SPRED2: variants seen among roughly 807,000 people sequenced by gnomAD.
The protein encoded by SPRED2 is sprouty related EVH1 domain containing 2.
In SPRED2, 47 loss-of-function variants were observed where a neutral mutation model predicts 43.0. The ratio of observed to expected loss-of-function variants is 1.09; its 90% CI spans 0.87 to 1.40. The LOEUF (loss-of-function observed/expected upper bound fraction) is 1.40, where lower values mean the gene tolerates loss of function less well. Among genes scored for constraint, SPRED2 ranks in the 40% most tolerant of loss-of-function variants. The pLI is 0.00. For missense variants in SPRED2, 561 were observed against 586.4 expected, an observed-to-expected ratio of 0.96 and a Z score of 0.45; for synonymous variants, 225 against 225.7, an observed-to-expected ratio of 1.00 and a Z score of 0.03.
downstream of SPRED2, among the ~76,000 whole-genome samples, chr2:65,309,685 T>C (rs1673019919): frequency 6.6e-6 from 1 of 152,010 alleles, no homozygotes; most frequent in Non-Finnish European, 1.5e-5. Context: ...CTTCCTCACT[T>C]GTAAGGTGGA....
intron 1 of SPRED2, among the ~76,000 whole-genome samples, chr2:65,368,373 G>T (rs1325841739): frequency 6.6e-6 from 1 of 152,146 alleles, no homozygotes; most frequent in Non-Finnish European, 1.5e-5. Context: ...GAGGACTGCA[G>T]GCTGCAGCCT....
rs769629519 is a variant in SPRED2 at position 65,316,837 on chromosome 2, G to T, written c.485C>A (p.Pro162His). Reference sequence around the variant, plus strand: ...TGTGGGAGAGGAGATTGTCCGAGTAGGTTGCTCTCTCTTCTGAGAGGAATT... The same window carrying T: ...TGTGGGAGAGGAGATTGTCCGAGTATGTTGCTCTCTCTTCTGAGAGGAATT... Reference protein sequence around the residue: ...SSNSSQKREQPTRTISSPTSC... With the variant: ...SSNSSQKREQHTRTISSPTSC... The change falls in exon 5 of 6, where the codon CCT becomes CAT. Residue 162 changes from proline to histidine, a missense_variant. Physicochemically the swap from Pro to His is moderately conservative, Grantham distance 77. Coordinates refer to ENST00000356388, the MANE Select transcript of SPRED2 (RefSeq NM_181784.3). The T allele has an allele frequency of 6.8e-6, 11 of 1,613,938 alleles. No individual in the cohort carries two copies. The African/African-American group carries it at 8.0e-5, about 12-fold the overall frequency.
intron 1 of SPRED2, among the ~76,000 whole-genome samples, chr2:65,362,237 A>C (rs1674833260): frequency 6.6e-6 from 1 of 152,032 alleles, no homozygotes; most frequent in African/African-American, 2.4e-5. Context: ...CTTCTGCAGC[A>C]CTTGCTTTCT....
At chr2:65,323,383 C>A (rs961110370) in intron 4 of SPRED2, among the ~76,000 whole-genome samples, 3 of 152,024 alleles carry the variant, frequency 2.0e-5, no homozygotes, top group Non-Finnish European at 4.4e-5. Context: ...TTTCTAAAGC[C>A]CTCTAACAGG....
intron 3 of SPRED2, among the ~76,000 whole-genome samples, chr2:65,333,349 A>C (rs1170466490): frequency 6.6e-6 from 1 of 152,194 alleles, no homozygotes; most frequent in Non-Finnish European, 1.5e-5. Flanking sequence ...GAAATACTTA[A>C]ATTTCCAACG....
chr2:65,403,234 C>G (rs979584014), intron 1 of SPRED2, among the ~76,000 whole-genome samples: 1 of 152,184 alleles, frequency 6.6e-6, no homozygotes, highest in Non-Finnish European at 1.5e-5. Flanking sequence ...GAAGGGGTTA[C>G]GGATAGTAGA....
At chr2:65,393,326 CTTTT>C (rs55696467) in intron 1 of SPRED2, among the ~76,000 whole-genome samples, 1 of 141,692 alleles carries the variant, frequency 7.1e-6, no homozygotes, top group Admixed American at 7.0e-5. Context: ...AATCATAAGG[CTTTT>C]TTTTTTTTTT....
At chr2:65,413,259 A>G (rs903343479) in intron 1 of SPRED2, among the ~76,000 whole-genome samples, 6 of 152,198 alleles carry the variant, frequency 3.9e-5, no homozygotes, top group African/African-American at 1.4e-4. Context: ...CATTAAGGAC[A>G]GCATGCATTT....
downstream of SPRED2, among the ~76,000 whole-genome samples, chr2:65,309,483 G>A (rs1673013673): frequency 7.0e-6 from 1 of 143,012 alleles, no homozygotes; most frequent in Non-Finnish European, 1.5e-5. Flanking sequence ...TCTAGCAAGG[G>A]TGACAGAGTG....
chr2:65,358,005 C>T (rs1346920942), intron 1 of SPRED2, among the ~76,000 whole-genome samples: 1 of 147,280 alleles, frequency 6.8e-6, no homozygotes. Context: ...CCTTAAAGTC[C>T]TGTAGTTGTG....
intron 1 of SPRED2, among the ~76,000 whole-genome samples, chr2:65,357,053 A>G (rs1274963765): frequency 6.6e-6 from 1 of 152,198 alleles, no homozygotes; most frequent in Admixed American, 6.5e-5. Flanking sequence ...AATTTAACCT[A>G]TAGAGGAGGG....
chr2:65,351,086 T>G (rs959105411), intron 1 of SPRED2, among the ~76,000 whole-genome samples: 5 of 152,184 alleles, frequency 3.3e-5, no homozygotes, highest in Admixed American at 3.3e-4. Context: ...AACAGGTCCT[T>G]GAAACACCAG....
At chr2:65,367,610 T>G (rs934330863) in intron 1 of SPRED2, among the ~76,000 whole-genome samples, 1 of 152,192 alleles carries the variant, frequency 6.6e-6, no homozygotes, top group Non-Finnish European at 1.5e-5. Flanking sequence ...CTGGGAGGTA[T>G]GATACATGTA....
Position 65,312,745 on chromosome 2 carries a change from C to T in SPRED2, c.*756G>A, listed in dbSNP as rs918136164. The T allele has an allele frequency of 3.0e-6, 3 of 985,726 alleles. No individual in the cohort carries two copies. In the African/African-American group the frequency reaches 5.2e-5, roughly 17 times the overall value. The allele number at this position is 985,726 out of a possible 1,614,324, so 61.1% of individuals were successfully genotyped here. On this transcript the variant is annotated 3_prime_UTR_variant, in exon 6 of 6. Transcript: ENST00000356388. ...GATGCAATGCAGTTGAAGGAATTTT[C>T]CTGATTCTCACAAGTTAATCTGAAG...
chr2:65,349,731 C>CT (rs1439193066), intron 1 of SPRED2, among the ~76,000 whole-genome samples: 3 of 152,240 alleles, frequency 2.0e-5, no homozygotes, highest in Non-Finnish European at 4.4e-5. Context: ...ATACCATACC[C>CT]TTCTGTGTCC....
At chr2:65,344,487 T>C (rs1463452406) in intron 2 of SPRED2, 2 of 660,504 alleles carry the variant, frequency 3.0e-6, no homozygotes, top group South Asian at 1.6e-5. Flanking sequence ...AACAGCCAAA[T>C]ATACTTCTAA....
At chr2:65,323,377 T>C (rs148343665) in intron 4 of SPRED2, among the ~76,000 whole-genome samples, 244 of 152,232 alleles carry the variant, frequency 1.6e-3, no homozygotes, top group African/African-American at 5.6e-3. Flanking sequence ...ACCTGGTTTC[T>C]AAAGCCCTCT....
Position 65,313,193 on chromosome 2 carries a change from T to C in SPRED2, c.*308A>G, listed in dbSNP as rs1673118096. On this transcript the variant is annotated 3_prime_UTR_variant, in exon 6 of 6. Coordinates refer to ENST00000356388, the MANE Select transcript of SPRED2 (RefSeq NM_181784.3). The stretch of plus-strand genomic sequence containing the variant: ...GAGGAGGAAACAGGAAATCAACACA[T>C]GGATGAGACAGTTAGCTTGGTTACA... The C allele has an allele frequency of 2.8e-6, 3 of 1,090,238 alleles. No homozygotes were observed. Among genetic ancestry groups the C allele is most frequent in the African/African-American group, 1.6e-5 (1 of 61,162 alleles). 67.5% of individuals were successfully genotyped at this position (1,090,238 alleles called of 1,614,324 possible). A position where few individuals can be genotyped will look rare whatever the true frequency, so the allele number is the denominator to read the frequency against.
At position 65,313,837 on chromosome 2, in the gene SPRED2, C is replaced by G; in HGVS notation, c.921G>C (p.Ser307=). 1.2e-6 allele frequency: 2 copies of G among 1,612,474 alleles called. No homozygotes were observed. Among genetic ancestry groups the G allele is most frequent in the Non-Finnish European group, 1.7e-6 (2 of 1,179,988 alleles). The change falls in exon 6 of 6, where the codon TCG becomes TCC. Residue 307 remains serine, a synonymous_variant. Transcript: ENST00000356388. The stretch of plus-strand genomic sequence containing the variant: ...ACATGTCCCTGCAGTACACGCACCG[C>G]GAGCGCTCTCCGTCCTCCTTCCGCC... ...SRRRKEDGER[S]RCVYCRDMFN...
Sources: gnomAD v4.1 joint callset for allele counts (sites outside exome capture counted in the v4.1 genomes callset) on GRCh38, gnomAD v4.1.1 for gene constraint, MANE v1.5 for transcripts, NCBI Gene and HGNC (gene_info 2026-07-23, HGNC 2026-07-21) for gene names.